INPP4B: variants seen among roughly 807,000 people sequenced by gnomAD.
INPP4B encodes inositol polyphosphate-4-phosphatase type II B.
INPP4B carries 55 observed loss-of-function variants against 122.5 expected under a neutral mutation model. The observed-to-expected ratio is 0.45, with a 90% CI of 0.36 to 0.56. The LOEUF is 0.56. Ranked by LOEUF, INPP4B falls within the 20% of genes least tolerant of loss-of-function variation. The probability of loss-of-function intolerance (pLI) is 0.00; values close to 1 mark genes in which losing one functional copy is unlikely to be tolerated. For missense variants in INPP4B, 1,000 were observed against 1,097.7 expected, an observed-to-expected ratio of 0.91 and a Z score of 1.26; for synonymous variants, 403 against 388.7, an observed-to-expected ratio of 1.04 and a Z score of -0.43.
intron 15 of INPP4B, 152 bp downstream of exon 15, chr4:142,192,935 G>T: frequency 2.0e-6 from 1 of 499,062 alleles, no homozygotes; most frequent in Non-Finnish European, 3.6e-6. Context: ...TTCTTCTCTG[G>T]TAGTTTTGAG....
intron 9 of INPP4B, among the ~76,000 whole-genome samples, chr4:142,284,448 A>C (rs972100401): frequency 2.6e-5 from 4 of 152,152 alleles, no homozygotes; most frequent in African/African-American, 7.2e-5. Flanking sequence ...AGAAAGGTAG[A>C]GAAGGTGCAG....
chr4:142,188,247 G>A (rs866826808), intron 15 of INPP4B, among the ~76,000 whole-genome samples: 1 of 151,706 alleles, frequency 6.6e-6, no homozygotes, highest in South Asian at 2.1e-4. Flanking sequence ...CAACACTTTG[G>A]GAGGCTGAGG....
intron 22 of INPP4B, among the ~76,000 whole-genome samples, chr4:142,108,891 C>T (rs1034166123): frequency 1.3e-5 from 2 of 152,086 alleles, no homozygotes; most frequent in Non-Finnish European, 2.9e-5. Flanking sequence ...AAATGGCTTC[C>T]AATATGTATC....
intron 23 of INPP4B, among the ~76,000 whole-genome samples, chr4:142,104,126 G>T (rs991693438): frequency 5.3e-5 from 8 of 152,020 alleles, no homozygotes; most frequent in African/African-American, 9.7e-5. Context: ...AAGCACAAAA[G>T]ATATGGGCAT....
At chr4:142,319,351 A>G (rs1183057659) in intron 7 of INPP4B, among the ~76,000 whole-genome samples, 1 of 152,192 alleles carries the variant, frequency 6.6e-6, no homozygotes, top group Admixed American at 6.5e-5. Context: ...AATGTGTCTC[A>G]TTTCTTTAAA....
chr4:142,193,306 A>C (rs1162206559), intron 14 of INPP4B, 111 bp from the exon 15 acceptor site: 7 of 647,680 alleles, frequency 1.1e-5, no homozygotes, highest in Non-Finnish European at 1.9e-5. Flanking sequence ...ATTCTGTTTA[A>C]TTTTTTAGGA....
At chr4:142,317,776 C>A (rs1330194551) in intron 7 of INPP4B, among the ~76,000 whole-genome samples, 1 of 152,072 alleles carries the variant, frequency 6.6e-6, no homozygotes, top group East Asian at 1.9e-4. Context: ...GATGCAAAAA[C>A]CAAAACAAAA....
intron 2 of INPP4B, among the ~76,000 whole-genome samples, chr4:142,522,853 T>G (rs1477949087): frequency 6.6e-6 from 1 of 152,140 alleles, no homozygotes; most frequent in Non-Finnish European, 1.5e-5. Context: ...TCTAATAGTA[T>G]TATTTAACAA....
intron 23 of INPP4B, among the ~76,000 whole-genome samples, chr4:142,107,505 A>C (rs1410154576): frequency 6.6e-6 from 1 of 152,164 alleles, no homozygotes; most frequent in Non-Finnish European, 1.5e-5. Context: ...TACGATGGGG[A>C]AAAGAAATGT....
chr4:142,495,305 T>A (rs1294453731), intron 2 of INPP4B, among the ~76,000 whole-genome samples: 1 of 152,000 alleles, frequency 6.6e-6, no homozygotes, highest in Non-Finnish European at 1.5e-5. Flanking sequence ...TCAAATCTAA[T>A]CGGTTTTGAG....
chr4:142,655,718 A>C (rs1754004487), intron 2 of INPP4B, among the ~76,000 whole-genome samples: 2 of 152,320 alleles, frequency 1.3e-5, no homozygotes, highest in South Asian at 4.1e-4. Flanking sequence ...TATTCCTAAT[A>C]ATGTTACTTG....
chr4:142,749,248 C>T (rs1193571434), intron 1 of INPP4B, among the ~76,000 whole-genome samples: 1 of 145,326 alleles, frequency 6.9e-6, no homozygotes, highest in Non-Finnish European at 1.5e-5. Context: ...TATATAATGT[C>T]TTACCATATA....
At chr4:142,814,515 ATC>A (rs1267343761) in intron 1 of INPP4B, among the ~76,000 whole-genome samples, 2 of 152,112 alleles carry the variant, frequency 1.3e-5, no homozygotes, top group Admixed American at 6.6e-5. Flanking sequence ...TGGCCATGTA[ATC>A]TCTCTGTTTT....
At chr4:142,186,106 G>C (rs1833093169) in intron 15 of INPP4B, among the ~76,000 whole-genome samples, 1 of 152,082 alleles carries the variant, frequency 6.6e-6, no homozygotes, top group Non-Finnish European at 1.5e-5. Flanking sequence ...ATCCTACTTA[G>C]TTTTCAGAAA....
At chr4:142,479,731 T>C (rs915686037) in intron 2 of INPP4B, among the ~76,000 whole-genome samples, 16 of 152,110 alleles carry the variant, frequency 1.1e-4, no homozygotes, top group Admixed American at 9.2e-4. Context: ...ATACCACATA[T>C]TCTCACTTTT....
chr4:142,332,115 T>A (rs1393552372), intron 7 of INPP4B, among the ~76,000 whole-genome samples: 1 of 152,234 alleles, frequency 6.6e-6, no homozygotes, highest in Non-Finnish European at 1.5e-5. Context: ...TAAGAAAAGC[T>A]AATTTTTAGT....
intron 25 of INPP4B, among the ~76,000 whole-genome samples, chr4:142,054,738 T>A (rs931377320): frequency 6.6e-6 from 1 of 152,094 alleles, no homozygotes; most frequent in Middle Eastern, 3.2e-3. Context: ...TCCTATATCA[T>A]GCTTAAATAC....
At chr4:142,458,772 GGGTTTGATGT>G (rs1467337805) in intron 3 of INPP4B, among the ~76,000 whole-genome samples, 1 of 152,162 alleles carries the variant, frequency 6.6e-6, no homozygotes, top group Admixed American at 6.5e-5. Flanking sequence ...AGGCTCCCTT[GGGTTTGATGT>G]GGCTGATAGA....
intron 25 of INPP4B, among the ~76,000 whole-genome samples, chr4:142,042,035 T>G (rs1747948251): frequency 6.6e-6 from 1 of 152,176 alleles, no homozygotes; most frequent in Non-Finnish European, 1.5e-5. Context: ...TTGATGCTTT[T>G]GTATTCTCTA....
Sources: gnomAD v4.1 joint callset for allele counts (sites outside exome capture counted in the v4.1 genomes callset) on GRCh38, gnomAD v4.1.1 for gene constraint, MANE v1.5 for transcripts, NCBI Gene and HGNC (gene_info 2026-07-23, HGNC 2026-07-21) for gene names.